The following BNC2 variants were observed in gnomAD, a reference collection of about 807,000 sequenced individuals.
BNC2 encodes basonuclin zinc finger protein 2.
BNC2 carries 20 observed loss-of-function variants against 76.3 expected under a neutral mutation model. The observed-to-expected ratio is 0.26, with a 90% CI of 0.18 to 0.38. The LOEUF (loss-of-function observed/expected upper bound fraction) is 0.38. Ranked by LOEUF, BNC2 falls within the 10% of genes least tolerant of loss-of-function variation. BNC2 has a pLI of 1.00. For missense variants in BNC2, 1,382 were observed against 1,399.8 expected (o/e 0.99, Z 0.20); for synonymous variants, 582 against 514.8 (o/e 1.13, Z -1.77).
chr9:16,542,243 G>A (rs1421727863), intron 5 of BNC2, among the ~76,000 whole-genome samples: 1 of 152,042 alleles, frequency 6.6e-6, no homozygotes, highest in Non-Finnish European at 1.5e-5. Context: ...GAAAAATGAC[G>A]ATGAGTTCGA....
At chr9:16,483,145 G>A (rs954107437) in intron 5 of BNC2, among the ~76,000 whole-genome samples, 1 of 152,144 alleles carries the variant, frequency 6.6e-6, no homozygotes. Context: ...GAATGAGACG[G>A]GAAATGAAAA....
At chr9:16,563,705 T>C (rs191760499) in intron 4 of BNC2, among the ~76,000 whole-genome samples, 1 of 152,344 alleles carries the variant, frequency 6.6e-6, no homozygotes, top group African/African-American at 2.4e-5. Flanking sequence ...GTCTCAGCAG[T>C]TACAGCTGTA....
intron 3 of BNC2, among the ~76,000 whole-genome samples, chr9:16,637,085 A>C (rs1041815690): frequency 1.3e-5 from 2 of 151,788 alleles, no homozygotes; most frequent in African/African-American, 2.4e-5. Context: ...AGAAAGAGGC[A>C]ATTTTTTTTT....
chr9:16,825,348 CTTTATT>C (rs1457203263), intron 1 of BNC2, among the ~76,000 whole-genome samples: 1 of 152,146 alleles, frequency 6.6e-6, no homozygotes, highest in Non-Finnish European at 1.5e-5. Flanking sequence ...CTATTCTCCT[CTTTATT>C]TTTGTCTCAA....
At chr9:16,490,391 C>T (rs1173865969) in intron 5 of BNC2, among the ~76,000 whole-genome samples, 4 of 152,166 alleles carry the variant, frequency 2.6e-5, no homozygotes, top group Admixed American at 6.5e-5. Context: ...GATTCAATTA[C>T]CTCCCCCTGG....
At chr9:16,534,488 T>C (rs1313931977) in intron 5 of BNC2, among the ~76,000 whole-genome samples, 3 of 152,158 alleles carry the variant, frequency 2.0e-5, no homozygotes, top group East Asian at 1.9e-4. Context: ...TTGAAATACA[T>C]TGTCATTTAT....
At chr9:16,560,258 T>G (rs1818968548) in intron 4 of BNC2, among the ~76,000 whole-genome samples, 1 of 152,178 alleles carries the variant, frequency 6.6e-6, no homozygotes, top group Non-Finnish European at 1.5e-5. Context: ...GGGAACCATC[T>G]AAAGAATGTA....
chr9:16,728,322 T>A (rs184222178), intron 2 of BNC2: 1 of 419,178 alleles, frequency 2.4e-6, no homozygotes, highest in African/African-American at 2.0e-5. Context: ...ACTGTTCCAC[T>A]GTCAGGCACC....
intron 1 of BNC2, among the ~76,000 whole-genome samples, chr9:16,794,349 G>C (rs1031218227): frequency 4.6e-5 from 7 of 152,154 alleles, no homozygotes; most frequent in African/African-American, 1.7e-4. Flanking sequence ...TATCATGACT[G>C]AGCTTTTTTC....
At chr9:16,750,392 C>T (rs993347536) in intron 1 of BNC2, among the ~76,000 whole-genome samples, 4 of 152,180 alleles carry the variant, frequency 2.6e-5, no homozygotes, top group Non-Finnish European at 4.4e-5. Flanking sequence ...GCATCACACC[C>T]AACAGCATAT....
At chr9:16,442,860 G>A (rs1472231301) in intron 5 of BNC2, among the ~76,000 whole-genome samples, 4 of 151,974 alleles carry the variant, frequency 2.6e-5, no homozygotes, top group Non-Finnish European at 4.4e-5. Flanking sequence ...AATCCCAGCA[G>A]TTTGGGAGGC....
intron 1 of BNC2, chr9:16,832,231 T>C (rs1182042344): frequency 8.3e-7 from 1 of 1,211,422 alleles, no homozygotes; most frequent in Non-Finnish European, 1.1e-6. Context: ...AACTATTACA[T>C]GTAGTTAAAT....
In BNC2 at chr9:16,437,384, G is replaced by A. The variant is rs780785627; in HGVS notation, c.810C>T (p.Ala270=). 6.5e-5 allele frequency: 104 copies of A among 1,612,212 alleles called. No homozygotes were observed. The highest frequency in any genetic ancestry group is 7.4e-5 in the Non-Finnish European group (87 of 1,178,596). Residue 270 remains alanine (A), a synonymous_variant, in exon 6 of 7, where the codon GCC becomes GCT. Coordinates refer to ENST00000380672, the MANE Select transcript of BNC2 (RefSeq NM_017637.6). ...LMAIQEKEGQ[A]VAVPSSKTDS... is the part of the protein sequence containing the mutation. ...CTGTCTTTGAAGATGGTACAGCCACGGCCTGCCCTTCTTTCTCCTGAATTG... is the reference window on the plus strand; with the variant it reads ...CTGTCTTTGAAGATGGTACAGCCACAGCCTGCCCTTCTTTCTCCTGAATTG...
intron 5 of BNC2, among the ~76,000 whole-genome samples, chr9:16,509,552 T>A (rs575159381): frequency 2.0e-3 from 307 of 152,228 alleles, no homozygotes; most frequent in African/African-American, 7.0e-3. Context: ...TGCATATCCA[T>A]CCCAGTTACA....
At chr9:16,439,868 A>G (rs1587028415) in intron 5 of BNC2, among the ~76,000 whole-genome samples, 2 of 152,298 alleles carry the variant, frequency 1.3e-5, no homozygotes, top group South Asian at 4.1e-4. Context: ...TCCCTCCTTC[A>G]TCATGTAGAT....
At chr9:16,467,446 T>C (rs1269982450) in intron 5 of BNC2, among the ~76,000 whole-genome samples, 2 of 143,318 alleles carry the variant, frequency 1.4e-5, no homozygotes, top group Non-Finnish European at 3.0e-5. Flanking sequence ...TGTCCAACAA[T>C]GATAGACTGG....
chr9:16,845,565 CA>C (rs531634978), intron 1 of BNC2, among the ~76,000 whole-genome samples: 12 of 151,778 alleles, frequency 7.9e-5, no homozygotes, highest in African/African-American at 1.2e-4. Flanking sequence ...ACTAAAAATA[CA>C]AAAAATTAGC....
At chr9:16,520,819 G>A (rs1490723385) in intron 5 of BNC2, among the ~76,000 whole-genome samples, 1 of 152,158 alleles carries the variant, frequency 6.6e-6, no homozygotes, top group Non-Finnish European at 1.5e-5. Flanking sequence ...CCACTTGAAT[G>A]ACTTTATAAA....
chr9:16,785,013 A>G (rs1826247055), intron 1 of BNC2, among the ~76,000 whole-genome samples: 1 of 152,216 alleles, frequency 6.6e-6, no homozygotes, highest in African/African-American at 2.4e-5. Flanking sequence ...TTAATACAGT[A>G]TGAATACAGT....
Sources: allele counts gnomAD v4.1 joint callset (sites outside exome capture counted in the v4.1 genomes callset), GRCh38; gene constraint gnomAD v4.1.1; transcripts MANE v1.5; gene names NCBI Gene and HGNC (gene_info 2026-07-23, HGNC 2026-07-21).